The following ZNF804B variants were observed in gnomAD, a reference collection of about 807,000 sequenced individuals.
The protein encoded by ZNF804B is zinc finger 804B.
Under a neutral mutation model 101.4 loss-of-function variants are expected in ZNF804B, and 80 were observed. The observed-to-expected ratio is 0.79, with a 90% confidence interval of 0.66 to 0.95. ZNF804B has a LOEUF of 0.95. Ranked by LOEUF, ZNF804B falls within the 40% of genes least tolerant of loss-of-function variation. The probability of loss-of-function intolerance (pLI) is 0.00; values close to 1 mark genes in which losing one functional copy is unlikely to be tolerated. For synonymous variants in ZNF804B, 622 were observed against 558.8 expected (o/e 1.11, Z -1.59); for missense variants, 1,673 against 1,561.9 (o/e 1.07, Z -1.20).
At chr7:89,312,741 C>G (rs1790663961) in intron 2 of ZNF804B, among the ~76,000 whole-genome samples, 1 of 151,696 alleles carries the variant, frequency 6.6e-6, no homozygotes, top group East Asian at 1.9e-4. Flanking sequence ...TGCCTGTAGT[C>G]CCAGCTACTA....
rs768332777 is a variant in ZNF804B, at chr7:89,335,768, T to C, written c.2786T>C (p.Leu929Ser). 21 of 1,613,926 alleles carry C rather than the reference T, an allele frequency of 1.3e-5. No individual in the cohort carries two copies. The highest frequency in any genetic ancestry group is 1.6e-4 in the Middle Eastern group (1 of 6,084). ...ERTPLTAKIL[L>S]ERVQAKKCQE... The stretch of plus-strand genomic sequence containing the variant: ...ACCCCTCTAACAGCAAAAATCCTTT[T>C]AGAAAGAGTACAAGCCAAGAAATGT... Residue 929 changes from leucine to serine, a missense_variant, in exon 4 of 4, where the codon TTA becomes TCA. Coordinates refer to ENST00000333190, the MANE Select transcript of ZNF804B (RefSeq NM_181646.5).
intron 1 of ZNF804B, among the ~76,000 whole-genome samples, chr7:88,950,731 G>C (rs564122398): frequency 2.6e-5 from 4 of 151,470 alleles, no homozygotes; most frequent in Admixed American, 2.6e-4. Context: ...TCTTACATTT[G>C]GTATAAGGAT....
chr7:89,138,985 C>CTG lies in ZNF804B; in HGVS notation c.109-79156_109-79155dup, dbSNP rs139519196. Among the ~76,000 whole-genome samples, 47 of 151,574 alleles carry CTG rather than the reference C, an allele frequency of 3.1e-4. 1 individual carries two copies. The highest frequency in any genetic ancestry group is 1.5e-3 in the Admixed American group (23 of 15,196). Reference sequence around the variant, plus strand: ...TTAGCAGCGTGAAAGTGGACTAATACTGTGTGTGTGTGTGTCTATATGTGT... The same window carrying CTG: ...TTAGCAGCGTGAAAGTGGACTAATACTGTGTGTGTGTGTGTGTCTATATGTGT... On this transcript the variant is annotated intron_variant, in intron 1 of 3. Transcript: ENST00000333190.
intron 1 of ZNF804B, among the ~76,000 whole-genome samples, chr7:88,890,000 C>T (rs1294099789): frequency 6.6e-6 from 1 of 152,062 alleles, no homozygotes; most frequent in Non-Finnish European, 1.5e-5. Context: ...TGTGGCTAGC[C>T]AGGTAACCCA....
chr7:88,938,702 G>C (rs1367129829), intron 1 of ZNF804B, among the ~76,000 whole-genome samples: 1 of 151,930 alleles, frequency 6.6e-6, no homozygotes, highest in East Asian at 1.9e-4. Context: ...AGTCTCATCA[G>C]CAAAACAGGA....
At chr7:89,073,875 C>T (rs1789578597) in intron 1 of ZNF804B, among the ~76,000 whole-genome samples, 2 of 152,084 alleles carry the variant, frequency 1.3e-5, no homozygotes, top group African/African-American at 4.8e-5. Flanking sequence ...AAAATGATGT[C>T]AATCTCAGAA....
intron 1 of ZNF804B, among the ~76,000 whole-genome samples, chr7:88,911,448 T>C (rs1792549205): frequency 6.7e-6 from 1 of 148,494 alleles, no homozygotes; most frequent in Admixed American, 6.8e-5. Flanking sequence ...CTTATTTATA[T>C]GATTTATATA....
intron 1 of ZNF804B, among the ~76,000 whole-genome samples, chr7:89,138,787 G>C (rs1270935647): frequency 6.6e-6 from 1 of 152,016 alleles, no homozygotes; most frequent in Non-Finnish European, 1.5e-5. Context: ...GGCTTTATAA[G>C]GCAGAGTTTC....
chr7:89,128,128 G>A (rs566199168), intron 1 of ZNF804B, among the ~76,000 whole-genome samples: 11 of 151,686 alleles, frequency 7.3e-5, no homozygotes, highest in East Asian at 5.8e-4. Context: ...CCTTTTGGGC[G>A]TTTGAATGTT....
intron 2 of ZNF804B, among the ~76,000 whole-genome samples, chr7:89,290,562 T>G (rs563182911): frequency 6.6e-6 from 1 of 152,140 alleles, no homozygotes; most frequent in African/African-American, 2.4e-5. Context: ...TAACTGAACA[T>G]CATCAGTAGC....
chr7:88,877,061 T>TGAAAAAAAAAATA (rs1562820521), intron 1 of ZNF804B, among the ~76,000 whole-genome samples: 1 of 64,642 alleles, frequency 1.5e-5, no homozygotes, highest in Non-Finnish European at 2.9e-5. Flanking sequence ...TTTTTTTTTT[T>TGAAAAAAAAAATA]TTTTTTTTTT....
intron 1 of ZNF804B, among the ~76,000 whole-genome samples, chr7:88,966,707 A>C (rs1793459446): frequency 6.6e-6 from 1 of 151,580 alleles, no homozygotes; most frequent in African/African-American, 2.4e-5. Context: ...GGTAGTCTCC[A>C]TGACTTTTAG....
chr7:89,333,806 T>A lies in ZNF804B; in HGVS notation c.824T>A (p.Leu275His). ...AGGTTTGCAAATAAAGATACACACC[T>A]TACCAAGGAAAAAGAGGTAAATATC... ...CCRFANKDTH[L>H]TKEKEVNISP... The change falls in exon 4 of 4, where the codon CTT (leucine) becomes CAT (histidine). Residue 275 changes from leucine (L) to histidine (H), a missense_variant. Coordinates refer to ENST00000333190, the MANE Select transcript of ZNF804B (RefSeq NM_181646.5). 6.2e-7 allele frequency: 1 copy of A among 1,613,394 alleles called. No individual in the cohort carries two copies.
rs759210759 is a variant in ZNF804B, at chr7:89,334,417, T to C, written c.1435T>C (p.Tyr479His). Residue 479 changes from tyrosine to histidine, a missense_variant, in exon 4 of 4, where the codon TAT (tyrosine) becomes CAT (histidine). Transcript: ENST00000333190. The part of the protein sequence containing the change: ...PCISYGCNPL[Y>H]FDFKLSRNTK... Reference sequence around the variant, plus strand: ...TATCTCTTATGGCTGCAACCCACTGTATTTTGATTTTAAGCTTTCTCGGAA... The same window carrying C: ...TATCTCTTATGGCTGCAACCCACTGCATTTTGATTTTAAGCTTTCTCGGAA... The C allele has an allele frequency of 6.2e-7, 1 of 1,613,784 alleles. No individual in the cohort carries two copies. The highest frequency in any genetic ancestry group is 8.5e-7 in the Non-Finnish European group (1 of 1,179,844).
chr7:89,090,758 A>G (rs948282032), intron 1 of ZNF804B, among the ~76,000 whole-genome samples: 20 of 152,156 alleles, frequency 1.3e-4, no homozygotes, highest in African/African-American at 4.8e-4. Flanking sequence ...CAAAAATACT[A>G]TTCTGGTCTT....
chr7:89,228,410 G>C (rs939210637), intron 2 of ZNF804B, among the ~76,000 whole-genome samples: 4 of 152,066 alleles, frequency 2.6e-5, no homozygotes, highest in Non-Finnish European at 4.4e-5. Context: ...TTTTAGCAGG[G>C]CGCTGATTGG....
chr7:89,220,464 A>C (rs1219344691), intron 2 of ZNF804B, among the ~76,000 whole-genome samples: 4 of 151,844 alleles, frequency 2.6e-5, no homozygotes, highest in Admixed American at 2.6e-4. Flanking sequence ...GAAAAATTTC[A>C]AACGTATATA....
chr7:88,939,728 G>A (rs1048975602), intron 1 of ZNF804B, among the ~76,000 whole-genome samples: 6 of 151,056 alleles, frequency 4.0e-5, no homozygotes, highest in Admixed American at 2.6e-4. Flanking sequence ...ATAGGAAAAC[G>A]ATAATCCAAA....
At chr7:89,220,673 A>G (rs1349113811) in intron 2 of ZNF804B, among the ~76,000 whole-genome samples, 1 of 151,962 alleles carries the variant, frequency 6.6e-6, no homozygotes, top group East Asian at 1.9e-4. Context: ...TAACCTAAAA[A>G]TCAACAGTAA....
Sources: gnomAD v4.1 joint callset for allele counts (sites outside exome capture counted in the v4.1 genomes callset) on GRCh38, gnomAD v4.1.1 for gene constraint, MANE v1.5 for transcripts, NCBI Gene and HGNC (gene_info 2026-07-23, HGNC 2026-07-21) for gene names.